ARIH2: variants seen among roughly 807,000 people sequenced by gnomAD.
ARIH2 encodes the protein ariadne RBR E3 ubiquitin protein ligase 2, also known as E3 ubiquitin-protein ligase ARIH2.
In ARIH2, 12 loss-of-function variants were observed where a neutral mutation model predicts 79.8. The observed-to-expected ratio is 0.15, with a 90% CI of 0.10 to 0.24. The LOEUF (loss-of-function observed/expected upper bound fraction) is 0.24, where lower values mean the gene tolerates loss of function less well. ARIH2 is among the 10% of genes least tolerant of loss of function. ARIH2 has a pLI of 1.00. For missense variants in ARIH2, 301 were observed against 618.3 expected (o/e 0.49, Z 5.44); for synonymous variants, 224 against 213.9 (o/e 1.05, Z -0.41).
intron 3 of ARIH2, among the ~76,000 whole-genome samples, chr3:48,929,697 G>A (rs1050155255): frequency 3.3e-5 from 5 of 152,176 alleles, no homozygotes; most frequent in African/African-American, 1.2e-4. Flanking sequence ...AGCAATAACT[G>A]TCTTGTACCT....
intron 6 of ARIH2, 51 bp downstream of exon 6, chr3:48,967,326 G>T: frequency 6.3e-7 from 1 of 1,575,834 alleles, no homozygotes; most frequent in Non-Finnish European, 8.6e-7. Flanking sequence ...GTTTATCTTT[G>T]ACTCTGCCTT....
In ARIH2 at chr3:48,961,630, A is replaced by C; in HGVS notation, c.274A>C (p.Lys92Gln). 1 of 1,607,272 alleles carries C rather than the reference A, an allele frequency of 6.2e-7. No individual in the cohort carries two copies. The highest frequency in any genetic ancestry group is 1.1e-5 in the South Asian group (1 of 90,928). ...TTTCTAGGTATCTCATTCAGTTGCT[A>C]AACTTATATTAGTTAATTTCCACTG... ...SVLKVSHSVA[K>Q]LILVNFHWQV... The change falls in exon 4 of 16, where the codon AAA (lysine) becomes CAA (glutamine). Residue 92 changes from lysine (K) to glutamine (Q), a missense_variant. Around this residue, in one of 2 missense-constraint regions of ARIH2, gnomAD observed 223 missense variants for 349.4 expected, o/e 0.64. Coordinates refer to ENST00000356401, the MANE Select transcript of ARIH2 (RefSeq NM_006321.4).
At chr3:48,944,357 ATAAC>A (rs2088808294) in intron 3 of ARIH2, among the ~76,000 whole-genome samples, 1 of 152,220 alleles carries the variant, frequency 6.6e-6, no homozygotes, top group Non-Finnish European at 1.5e-5. Context: ...TTTTGTATAA[ATAAC>A]CTTATATTGA....
rs1351145587 is a variant in ARIH2, at chr3:48,985,217, G to A, written c.*1947G>A. Reference sequence around the variant, plus strand: ...ATTGTCTGGGCTGCAGGGCTGCCAGGTTCTGTACTTGTGTCCAGCTGTGGC... The same window carrying A: ...ATTGTCTGGGCTGCAGGGCTGCCAGATTCTGTACTTGTGTCCAGCTGTGGC... On this transcript the variant is annotated 3_prime_UTR_variant, in exon 16 of 16. Transcript: ENST00000356401. 2 of 152,324 alleles carry A rather than the reference G, an allele frequency of 1.3e-5. No individual in the cohort carries two copies. Among genetic ancestry groups the A allele is most frequent in the Non-Finnish European group, 1.5e-5 (1 of 68,138 alleles). The allele number at this position is 152,324 out of a possible 1,614,324, so 9.4% of individuals were successfully genotyped here.
rs1015572433 is a variant in ARIH2, at chr3:48,948,345, C to T, written c.256-13267C>T. Among the ~76,000 whole-genome samples, 8 of 151,222 alleles carry T rather than the reference C, an allele frequency of 5.3e-5. No homozygotes were observed. In the East Asian group the frequency reaches 7.8e-4, roughly 15 times the overall value. On this transcript the variant is annotated intron_variant, in intron 3 of 15. Coordinates refer to ENST00000356401, the MANE Select transcript of ARIH2 (RefSeq NM_006321.4). ...GTGCAATGGCGCGATCTCGGCTCAC[C>T]GCAACCTTTGCGTCCCAGGTTCAAG...
intron 11 of ARIH2, among the ~76,000 whole-genome samples, chr3:48,976,076 A>G: frequency 6.6e-6 from 1 of 150,724 alleles, no homozygotes; most frequent in Middle Eastern, 3.5e-3. Flanking sequence ...ACACCTGGCT[A>G]CTTTTTTATA....
chr3:48,957,876 C>T (rs2090781148), intron 3 of ARIH2, among the ~76,000 whole-genome samples: 2 of 152,074 alleles, frequency 1.3e-5, no homozygotes, highest in South Asian at 2.1e-4. Context: ...CCACCACACC[C>T]AGCTAATTTT....
chr3:48,933,635 C>T (rs564978664), intron 3 of ARIH2, among the ~76,000 whole-genome samples: 7 of 150,740 alleles, frequency 4.6e-5, no homozygotes, highest in African/African-American at 1.5e-4. Flanking sequence ...CTGCAAGCTC[C>T]GCCTACCGGG....
At chr3:48,967,411 C>T in intron 6 of ARIH2, 136 bp downstream of exon 6, 1 of 943,326 alleles carries the variant, frequency 1.1e-6, no homozygotes, top group Non-Finnish European at 1.6e-6. Context: ...TAGTGATTTT[C>T]AAATACATCC....
At chr3:48,971,550 C>T (rs562069687) in intron 8 of ARIH2, among the ~76,000 whole-genome samples, 1 of 152,234 alleles carries the variant, frequency 6.6e-6, no homozygotes, top group Non-Finnish European at 1.5e-5. Context: ...AGCCATGACC[C>T]TTATATTCTA....
In ARIH2 at chr3:48,985,704, GT is replaced by G. The variant is rs1419929030; in HGVS notation, c.*2436del. The G allele has an allele frequency of 6.6e-6, 1 of 152,242 alleles. No homozygotes were observed. The highest frequency in any genetic ancestry group is 1.5e-5 in the Non-Finnish European group (1 of 68,066). The allele number at this position is 152,242 out of a possible 1,614,324, so 9.4% of individuals were successfully genotyped here. ...TCGGCTCTGTTTTCCCTTTCTGGCT[GT>G]TGGGGGAGAGGGCACCTGTAAGTGA... is the stretch of plus-strand genomic sequence containing the variant. On this transcript the variant is annotated 3_prime_UTR_variant, in exon 16 of 16. Coordinates refer to ENST00000356401, the MANE Select transcript of ARIH2 (RefSeq NM_006321.4).
intron 11 of ARIH2, chr3:48,975,191 A>G: frequency 1.4e-6 from 1 of 705,074 alleles, no homozygotes; most frequent in East Asian, 2.7e-5. Flanking sequence ...TTGCTAACAC[A>G]TATAGTCAGA....
At chr3:48,967,005 T>G in intron 5 of ARIH2, 120 bp from the exon 6 acceptor site, 2 of 1,098,750 alleles carry the variant, frequency 1.8e-6, no homozygotes, top group Non-Finnish European at 2.7e-6. Flanking sequence ...ACATTGCAGT[T>G]GAGCTCTGAT....
intron 1 of ARIH2, chr3:48,922,306 C>G (rs2084929226): frequency 6.6e-6 from 1 of 151,272 alleles, no homozygotes; most frequent in East Asian, 1.9e-4. Context: ...ACTTAGATTA[C>G]TTTCTTTTTT....
At chr3:48,944,180 AGGGAGGAG>A (rs1341922465) in intron 3 of ARIH2, among the ~76,000 whole-genome samples, 1 of 152,128 alleles carries the variant, frequency 6.6e-6, no homozygotes, top group East Asian at 1.9e-4. Flanking sequence ...AATAATCTGA[AGGGAGGAG>A]GGGAGGGCTG....
chr3:48,964,720 T>C (rs576265291), intron 4 of ARIH2, among the ~76,000 whole-genome samples, 199 bp from the exon 5 acceptor site: 1 of 152,332 alleles, frequency 6.6e-6, no homozygotes, highest in South Asian at 2.1e-4. Context: ...TATTGGGCTT[T>C]ATATTTTTTA....
intron 2 of ARIH2, among the ~76,000 whole-genome samples, chr3:48,923,954 T>C (rs1376515794): frequency 6.6e-6 from 1 of 152,144 alleles, no homozygotes; most frequent in Non-Finnish European, 1.5e-5. Flanking sequence ...AGCAACATAG[T>C]AAAACCCTGT....
At chr3:48,925,418 C>T (rs1576103384) in intron 2 of ARIH2, among the ~76,000 whole-genome samples, 3 of 145,412 alleles carry the variant, frequency 2.1e-5, no homozygotes, top group Non-Finnish European at 1.5e-5. Context: ...CAGCTGATTT[C>T]TTTTTTTTTT....
At chr3:48,980,139 C>G (rs2092698842) in intron 12 of ARIH2, 1 of 431,190 alleles carries the variant, frequency 2.3e-6, no homozygotes, top group Admixed American at 3.9e-5. Context: ...GTCCTGTTGC[C>G]CCAGAAGGGT....
Sources: allele counts gnomAD v4.1 joint callset (sites outside exome capture counted in the v4.1 genomes callset), GRCh38; gene constraint gnomAD v4.1.1; regional missense constraint gnomAD v4.1.1; transcripts MANE v1.5; gene names NCBI Gene and HGNC (gene_info 2026-07-23, HGNC 2026-07-21).